Variants in DISC1 observed in about 807,000 individuals in gnomAD.
DISC1 encodes disrupted in schizophrenia 1 protein.
A neutral mutation model predicts 84.5 loss-of-function variants in DISC1; 57 were observed. The ratio of observed to expected loss-of-function variants is 0.67; its 90% CI spans 0.55 to 0.84. DISC1 has a LOEUF of 0.84. Ranked by LOEUF, DISC1 falls within the 40% of genes least tolerant of loss-of-function variation. DISC1 has a pLI of 0.00. For missense variants in DISC1, 1,000 were observed against 1,057.8 expected (o/e 0.95, Z 0.76); for synonymous variants, 411 against 415.2 (o/e 0.99, Z 0.12).
chr1:231,992,366 T>C (rs1665321863), intron 10 of DISC1, among the ~76,000 whole-genome samples: 1 of 152,228 alleles, frequency 6.6e-6, no homozygotes, highest in Non-Finnish European at 1.5e-5. Context: ...ATTTGCTTTT[T>C]TACTTCTTGA....
At chr1:231,935,447 C>G (rs1057390828) in intron 9 of DISC1, among the ~76,000 whole-genome samples, 1 of 152,122 alleles carries the variant, frequency 6.6e-6, no homozygotes, top group African/African-American at 2.4e-5. Flanking sequence ...GAATGTCTTA[C>G]AAATGTACAT....
chr1:231,705,315 AAT>A (rs2066935651), intron 3 of DISC1, among the ~76,000 whole-genome samples: 2 of 93,624 alleles, frequency 2.1e-5, no homozygotes, highest in African/African-American at 5.1e-5. Context: ...AAAAAAAAAA[AAT>A]CATTAAAAAA....
In DISC1 at chr1:231,897,455, T is replaced by A. The variant is rs1253567722; in HGVS notation, c.1982-61373T>A. Among the ~76,000 whole-genome samples the A allele has an allele frequency of 1.3e-5, 2 of 152,214 alleles. No individual in the cohort carries two copies. Among genetic ancestry groups the A allele is most frequent in the Non-Finnish European group, 2.9e-5 (2 of 68,034 alleles). ...GTCCAGAGAGCATTTCAGTTATCAT[T>A]TATGGAACAAGGCCAAAATATTTCT... On this transcript the variant is annotated intron_variant, in intron 9 of 12. Transcript: ENST00000439617. The surrounding 1 kb of genome is among the most constrained non-coding windows in gnomAD (Gnocchi z 4.5).
intron 1 of DISC1, among the ~76,000 whole-genome samples, chr1:231,645,556 C>T (rs1035200663): frequency 2.6e-5 from 4 of 151,374 alleles, no homozygotes; most frequent in Non-Finnish European, 2.9e-5. Flanking sequence ...GTCTGGGGTA[C>T]ATGTGCACAA....
Position 231,714,077 on chromosome 1 carries a change from G to A in DISC1, c.1117+12053G>A, listed in dbSNP as rs192958018. Among the ~76,000 whole-genome samples, 5 of 151,988 alleles carry A rather than the reference G, an allele frequency of 3.3e-5. No homozygotes were observed. In the East Asian group the frequency reaches 7.7e-4, roughly 23 times the overall value. ...TATAAAGTTTTAGGTGTGAAAGTCA[G>A]TCATGTTTTTATCTACCTGGAATGA... On this transcript the variant is annotated intron_variant, in intron 3 of 12. Coordinates refer to ENST00000439617, the MANE Select transcript of DISC1 (RefSeq NM_018662.3).
intron 9 of DISC1, among the ~76,000 whole-genome samples, chr1:231,874,765 G>A (rs572828632): frequency 3.8e-4 from 57 of 151,798 alleles, no homozygotes; most frequent in Non-Finnish European, 6.2e-4. Context: ...CAAAAAATTA[G>A]CCAGGCGTGG....
In DISC1 at chr1:231,779,201, C is replaced by A. The variant is rs74144132; in HGVS notation, c.1634+8131C>A. Among the ~76,000 whole-genome samples, 1,031 of 152,264 alleles carry A rather than the reference C, an allele frequency of 6.8e-3. 7 individuals are homozygous for A. The highest frequency in any genetic ancestry group is 0.024 in the African/African-American group (979 of 41,534). On this transcript the variant is annotated intron_variant, in intron 6 of 12. Transcript: ENST00000439617. ...GAGCTATCTTAAAACCATGGCAGTC[C>A]TTGCACCGCCAGATGCTGACTGACT...
At chr1:231,963,845 G>C (rs1018172348) in intron 10 of DISC1, among the ~76,000 whole-genome samples, 7 of 152,126 alleles carry the variant, frequency 4.6e-5, no homozygotes, top group African/African-American at 1.7e-4. Context: ...GCGTGAGAGG[G>C]TCATGATCCA....
At chr1:231,677,649 T>TA (rs940582105) in intron 1 of DISC1, among the ~76,000 whole-genome samples, 2 of 152,232 alleles carry the variant, frequency 1.3e-5, no homozygotes, top group Middle Eastern at 3.2e-3. Context: ...AGTAACTTGT[T>TA]ACGGATCACC....
At chr1:231,968,886 T>C (rs962273342) in intron 10 of DISC1, among the ~76,000 whole-genome samples, 5 of 152,114 alleles carry the variant, frequency 3.3e-5, no homozygotes, top group Non-Finnish European at 7.3e-5. Flanking sequence ...TTAATGCAGC[T>C]CTTAAAGACT....
chr1:231,977,282 T>A (rs1001203002), intron 10 of DISC1, among the ~76,000 whole-genome samples: 2 of 152,206 alleles, frequency 1.3e-5, no homozygotes, highest in African/African-American at 4.8e-5. Flanking sequence ...AGCTATTCTC[T>A]TCTAGTTGTG....
chr1:231,846,606 G>C (rs919215510), intron 9 of DISC1, among the ~76,000 whole-genome samples: 2 of 152,152 alleles, frequency 1.3e-5, no homozygotes, highest in Non-Finnish European at 2.9e-5. Context: ...CACGGTGCAG[G>C]GACACGCCAG....
At chr1:231,820,559 G>A (rs1397839187) in intron 9 of DISC1, among the ~76,000 whole-genome samples, 3 of 152,136 alleles carry the variant, frequency 2.0e-5, no homozygotes, top group Admixed American at 6.5e-5. Flanking sequence ...GGGGAAAAAG[G>A]CAACTCATGG....
chr1:231,973,879 G>T (rs1662406766), intron 10 of DISC1, among the ~76,000 whole-genome samples: 1 of 152,178 alleles, frequency 6.6e-6, no homozygotes, highest in Non-Finnish European at 1.5e-5. Flanking sequence ...AGCTAGAAAA[G>T]CCAGCTGTTT....
intron 1 of DISC1, among the ~76,000 whole-genome samples, chr1:231,677,963 CTG>C (rs2063322198): frequency 6.6e-6 from 1 of 151,618 alleles, no homozygotes; most frequent in African/African-American, 2.4e-5. Context: ...GAGTGCAAGA[CTG>C]TGTCTCAAAG....
At chr1:231,907,281 A>AG (rs551088608) in intron 9 of DISC1, among the ~76,000 whole-genome samples, 6 of 151,542 alleles carry the variant, frequency 4.0e-5, no homozygotes, top group Non-Finnish European at 8.8e-5. Flanking sequence ...CTCATCATTT[A>AG]CATTAGATAT....
chr1:231,755,342 C>T (rs1380328093), intron 4 of DISC1, among the ~76,000 whole-genome samples: 1 of 151,780 alleles, frequency 6.6e-6, no homozygotes, highest in Admixed American at 6.6e-5. Context: ...TGCCCAGCCC[C>T]TTTCTCTTTA....
At chr1:231,873,239 G>T (rs1191120846) in intron 9 of DISC1, among the ~76,000 whole-genome samples, 1 of 152,184 alleles carries the variant, frequency 6.6e-6, no homozygotes, top group Non-Finnish European at 1.5e-5. Flanking sequence ...GAAAGATTTG[G>T]GAGTCTTTCC....
rs1017836867 is a variant in DISC1, at chr1:231,766,995, G to A, written c.1269-145G>A. 4 of 1,057,638 alleles carry A rather than the reference G, an allele frequency of 3.8e-6. No individual in the cohort carries two copies. The African/African-American group carries it at 4.8e-5, about 13-fold the overall frequency. The allele number at this position is 1,057,638 out of a possible 1,614,324, so 65.5% of individuals were successfully genotyped here. A position where few individuals can be genotyped will look rare whatever the true frequency, so the allele number is the denominator to read the frequency against. The stretch of plus-strand genomic sequence containing the variant: ...TTCAGGTAGAAACTTACATTAAGGA[G>A]CTCATCCTAAAAACAGGTAAGTACC... On this transcript the variant is annotated intron_variant, in intron 4 of 12. Coordinates refer to ENST00000439617, the MANE Select transcript of DISC1 (RefSeq NM_018662.3).
Sources: gnomAD v4.1 joint callset for allele counts (sites outside exome capture counted in the v4.1 genomes callset) on GRCh38, gnomAD v4.1.1 for gene constraint, Gnocchi (gnomAD v3.1) non-coding constraint, MANE v1.5 for transcripts, NCBI Gene and HGNC (gene_info 2026-07-23, HGNC 2026-07-21) for gene names.